ZFHX3: variants seen among roughly 807,000 people sequenced by gnomAD.
The protein encoded by ZFHX3 is zinc finger homeobox protein 3.
In ZFHX3, 42 loss-of-function variants were observed where a neutral mutation model predicts 279.1. The observed-to-expected ratio is 0.15, with a 90% CI of 0.12 to 0.19. The LOEUF (loss-of-function observed/expected upper bound fraction) is 0.19. ZFHX3 is among the 10% of genes least tolerant of loss of function. ZFHX3 has a pLI of 1.00. For missense variants in ZFHX3, 4,981 were observed against 4,754.0 expected (o/e 1.05, Z -1.40); for synonymous variants, 2,293 against 1,957.8 (o/e 1.17, Z -4.52).
At chr16:73,389,719 T>C (rs1034566162) in intron 3 of ZFHX3, among the ~76,000 whole-genome samples, 1 of 152,340 alleles carries the variant, frequency 6.6e-6, no homozygotes, top group South Asian at 2.1e-4. Flanking sequence ...CACCCACTGG[T>C]TCCCATTCTG....
intron 7 of ZFHX3, chr16:73,093,785 C>T (rs1475564873): frequency 1.4e-5 from 4 of 284,516 alleles, no homozygotes; most frequent in South Asian, 3.5e-5. Context: ...TTCCATTCCT[C>T]GTCTTAAATG....
At chr16:73,040,005 T>G (rs1965053083) in intron 1 of ZFHX3, among the ~76,000 whole-genome samples, 1 of 152,144 alleles carries the variant, frequency 6.6e-6, no homozygotes, top group Non-Finnish European at 1.5e-5. Flanking sequence ...CCAGACTGGG[T>G]TGAGTGTCAA....
intron 2 of ZFHX3, among the ~76,000 whole-genome samples, chr16:73,674,322 T>A (rs533404209): frequency 1.3e-5 from 2 of 152,272 alleles, no homozygotes; most frequent in Non-Finnish European, 2.9e-5. Flanking sequence ...CAAAAATGCA[T>A]GGGCAGAATG....
At chr16:73,371,841 C>T (rs960325751) in intron 3 of ZFHX3, among the ~76,000 whole-genome samples, 3 of 152,222 alleles carry the variant, frequency 2.0e-5, no homozygotes, top group East Asian at 1.9e-4. Flanking sequence ...TCTTGCTGAT[C>T]GCAATGCCCT....
At chr16:73,605,691 G>A (rs1455458025) in intron 2 of ZFHX3, among the ~76,000 whole-genome samples, 1 of 151,304 alleles carries the variant, frequency 6.6e-6, no homozygotes, top group Non-Finnish European at 1.5e-5. Context: ...CTAGGGCATA[G>A]AACTGGGGGG....
intron 3 of ZFHX3, among the ~76,000 whole-genome samples, chr16:73,454,240 C>T (rs2018331996): frequency 6.6e-6 from 1 of 152,116 alleles, no homozygotes; most frequent in East Asian, 1.9e-4. Flanking sequence ...CTACAGTATG[C>T]ACCATGTCTT....
intron 3 of ZFHX3, among the ~76,000 whole-genome samples, chr16:72,942,989 C>G (rs563949007): frequency 6.6e-6 from 1 of 152,342 alleles, no homozygotes; most frequent in South Asian, 2.1e-4. Context: ...ATCCCTTCTT[C>G]TTGTTCCCCA....
intron 1 of ZFHX3, among the ~76,000 whole-genome samples, chr16:73,864,058 T>A (rs983378493): frequency 6.6e-6 from 1 of 152,236 alleles, no homozygotes; most frequent in Admixed American, 6.5e-5. Flanking sequence ...ATTTGCCTTA[T>A]CTAAGCTTGC....
chr16:73,370,344 T>C (rs970761591), intron 3 of ZFHX3, among the ~76,000 whole-genome samples: 1 of 152,210 alleles, frequency 6.6e-6, no homozygotes, highest in Non-Finnish European at 1.5e-5. Flanking sequence ...TTATTTTTAT[T>C]TTTTAGCAGA....
chr16:73,511,205 G>T (rs1030147504), intron 2 of ZFHX3, among the ~76,000 whole-genome samples: 2 of 152,210 alleles, frequency 1.3e-5, no homozygotes, highest in African/African-American at 4.8e-5. Context: ...TTCCTCGCAA[G>T]TTCCAGGTAG....
At chr16:73,653,162 G>C (rs1348904998) in intron 2 of ZFHX3, among the ~76,000 whole-genome samples, 1 of 152,134 alleles carries the variant, frequency 6.6e-6, no homozygotes, top group Non-Finnish European at 1.5e-5. Flanking sequence ...ATCTACACTT[G>C]TCTTGCTAAT....
chr16:73,667,649 C>T (rs981469553), intron 2 of ZFHX3, among the ~76,000 whole-genome samples: 1 of 152,146 alleles, frequency 6.6e-6, no homozygotes, highest in African/African-American at 2.4e-5. Flanking sequence ...GCTATGAGAA[C>T]ATTTAAAAGA....
intron 2 of ZFHX3, among the ~76,000 whole-genome samples, chr16:73,526,193 T>C (rs2019690935): frequency 1.3e-5 from 2 of 152,178 alleles, no homozygotes; most frequent in Non-Finnish European, 1.5e-5. Flanking sequence ...CCATAAGCAC[T>C]CAGAGAAACA....
chr16:73,209,414 C>G (rs1211488673), intron 5 of ZFHX3, among the ~76,000 whole-genome samples: 1 of 152,150 alleles, frequency 6.6e-6, no homozygotes, highest in Non-Finnish European at 1.5e-5. Context: ...GGTCTGGTGT[C>G]TGGTGAGAGC....
chr16:73,411,177 T>G (rs1021722957), intron 3 of ZFHX3, among the ~76,000 whole-genome samples: 5 of 152,220 alleles, frequency 3.3e-5, no homozygotes, highest in African/African-American at 1.2e-4. Flanking sequence ...AAGCTAGAGT[T>G]GACTTCAGAA....
intron 1 of ZFHX3, among the ~76,000 whole-genome samples, chr16:73,796,816 G>A (rs1312472445): frequency 2.0e-5 from 3 of 152,154 alleles, no homozygotes; most frequent in African/African-American, 7.2e-5. Flanking sequence ...TGAAATCCTG[G>A]GGTAAAACAA....
At chr16:73,246,530 G>A (rs1448470383) in intron 5 of ZFHX3, among the ~76,000 whole-genome samples, 1 of 152,166 alleles carries the variant, frequency 6.6e-6, no homozygotes, top group Non-Finnish European at 1.5e-5. Context: ...TTTGGAAGCT[G>A]TCTCCTCCAT....
Position 73,695,381 on chromosome 16 carries a change from C to A in ZFHX3, c.-1607-15141G>T, listed in dbSNP as rs79799009. On this transcript the variant is annotated intron_variant, in intron 1 of 17. Transcript: ENST00000641206. The stretch of plus-strand genomic sequence containing the variant: ...CCTCCCAAGTAGCTGAGATTATAGG[C>A]ACCCAGCTGGCTGAGACTAAATAAA... Among the ~76,000 whole-genome samples, 1,236 of 152,074 alleles carry A rather than the reference C, an allele frequency of 8.1e-3. 13 individuals carry two copies. Among genetic ancestry groups the A allele is most frequent in the African/African-American group, 0.028 (1,161 of 41,508 alleles).
At chr16:73,099,216 T>C (rs769566149) in intron 7 of ZFHX3, 13 of 152,210 alleles carry the variant, frequency 8.5e-5, no homozygotes, top group Non-Finnish European at 1.2e-4. Flanking sequence ...AGAGCTACAC[T>C]GTCAAATAGC....
Sources: gnomAD v4.1 joint callset for allele counts (sites outside exome capture counted in the v4.1 genomes callset) on GRCh38, gnomAD v4.1.1 for gene constraint, MANE v1.5 for transcripts, NCBI Gene and HGNC (gene_info 2026-07-23, HGNC 2026-07-21) for gene names.